Variants in LTBP1 observed in about 807,000 individuals in gnomAD.
LTBP1 encodes the protein latent-transforming growth factor beta-binding protein 1.
LTBP1 carries 129 observed loss-of-function variants against 207.6 expected under a neutral mutation model. The ratio of observed to expected loss-of-function variants is 0.62; its 90% CI spans 0.54 to 0.72. The LOEUF (loss-of-function observed/expected upper bound fraction) is 0.72. Among genes scored for constraint, LTBP1 ranks in the 30% least tolerant of loss-of-function variants. The probability of loss-of-function intolerance (pLI) is 0.00; values close to 1 mark genes in which losing one functional copy is unlikely to be tolerated. For missense variants in LTBP1, 2,281 were observed against 2,217.2 expected (o/e 1.03, Z -0.58); for synonymous variants, 963 against 833.7 (o/e 1.16, Z -2.67).
chr2:33,392,383 C>T lies in LTBP1; in HGVS notation c.4834+3077C>T, dbSNP rs543873591. The stretch of plus-strand genomic sequence containing the variant: ...TGCATTTTTAGTAGAGATGGAGTTT[C>T]ACCACGTTGGCCAGGGTGGTCTTGA... On this transcript the variant is annotated intron_variant, in intron 32 of 33. Transcript: ENST00000404816. Among the ~76,000 whole-genome samples the T allele has an allele frequency of 3.9e-4, 60 of 152,220 alleles. 1 individual carries two copies. Among genetic ancestry groups the T allele is most frequent in the African/African-American group, 1.3e-3 (53 of 41,542 alleles).
Position 32,975,583 on chromosome 2 carries a change from G to GTTTTTTTTTTTTTTTTT in LTBP1, c.565+26660_565+26676dup, listed in dbSNP as rs779168923. ...TTGTTGGAGGTTTCATTCATTCTTT[G>GTTTTTTTTTTTTTTTTT]TTTTTTTTTTTTTTTTTTTTTTTTT... is the stretch of plus-strand genomic sequence containing the variant. On this transcript the variant is annotated intron_variant, in intron 2 of 33. Coordinates refer to ENST00000404816, the MANE Select transcript of LTBP1 (RefSeq NM_206943.4). Among the ~76,000 whole-genome samples the GTTTTTTTTTTTTTTTTT allele has an allele frequency of 1.9e-3, 61 of 31,380 alleles. 19 individuals carry two copies. The highest frequency in any genetic ancestry group is 2.9e-3 in the African/African-American group (21 of 7,284). 20.6% of individuals were successfully genotyped at this position (31,380 alleles called of 152,430 possible).
intron 3 of LTBP1, among the ~76,000 whole-genome samples, chr2:33,050,827 G>A (rs1464435221): frequency 2.6e-5 from 4 of 151,564 alleles, no homozygotes; most frequent in South Asian, 2.1e-4. Flanking sequence ...TCCGCCTCCC[G>A]GGTTCAAGCG....
intron 3 of LTBP1, among the ~76,000 whole-genome samples, chr2:33,093,318 T>C (rs375914748): frequency 1.3e-5 from 2 of 152,172 alleles, no homozygotes; most frequent in East Asian, 1.9e-4. Context: ...CCCCTCCATA[T>C]TGTTTTCCCC....
chr2:33,267,184 C>G (rs1055986481), intron 15 of LTBP1, among the ~76,000 whole-genome samples: 3 of 152,248 alleles, frequency 2.0e-5, no homozygotes, highest in Admixed American at 1.3e-4. Flanking sequence ...GCTACAGCAG[C>G]TGGGATGCCT....
intron 3 of LTBP1, among the ~76,000 whole-genome samples, chr2:33,083,345 T>C (rs938610565): frequency 6.6e-6 from 1 of 151,976 alleles, no homozygotes; most frequent in South Asian, 2.1e-4. Context: ...AAAAATTAGA[T>C]CATTTCTCAA....
chr2:33,204,602 T>TCTCACTTAAAAA (rs2089679578), intron 7 of LTBP1, among the ~76,000 whole-genome samples: 1 of 151,678 alleles, frequency 6.6e-6, no homozygotes, highest in African/African-American at 2.4e-5. Context: ...TTTTAAGAGA[T>TCTCACTTAAAAA]AGGGTCTCAC....
intron 3 of LTBP1, among the ~76,000 whole-genome samples, chr2:33,042,409 A>C (rs1304424631): frequency 6.6e-6 from 1 of 152,176 alleles, no homozygotes; most frequent in African/African-American, 2.4e-5. Flanking sequence ...GCTTTTCCTC[A>C]GTGTGATTTT....
chr2:33,228,468 G>T (rs1002075844), intron 9 of LTBP1, among the ~76,000 whole-genome samples: 1 of 151,994 alleles, frequency 6.6e-6, no homozygotes. Flanking sequence ...GTAGAATGAG[G>T]CCAGAACTTA....
chr2:33,197,596 G>T (rs568311371), intron 7 of LTBP1, among the ~76,000 whole-genome samples: 2 of 152,166 alleles, frequency 1.3e-5, no homozygotes, highest in South Asian at 2.1e-4. Context: ...TTTTAAATTG[G>T]ATCTCTTTAA....
At chr2:33,296,208 CT>C (rs1193955329) in intron 20 of LTBP1, among the ~76,000 whole-genome samples, 1 of 152,060 alleles carries the variant, frequency 6.6e-6, no homozygotes, top group Non-Finnish European at 1.5e-5. Context: ...GCCATTTTAT[CT>C]TCTTTCATCC....
Position 33,301,594 on chromosome 2 carries a change from G to C in LTBP1, c.3431G>C (p.Cys1144Ser). 2 of 1,612,502 alleles carry C rather than the reference G, an allele frequency of 1.2e-6. No individual in the cohort carries two copies. The highest frequency in any genetic ancestry group is 1.3e-5 in the African/African-American group (1 of 74,976). ...AGGAACACTGAGGGCTCTTTTCAAT[G>C]TGTGTGTGACCAGGGTTACAGAGCA... ...QCRNTEGSFQ[C>S]VCDQGYRASG... The change falls in exon 22 of 34, where the codon TGT becomes TCT. Residue 1144 changes from cysteine (C) to serine (S), a missense_variant. Physicochemically the swap from Cys to Ser is moderately radical, Grantham distance 112. Coordinates refer to ENST00000404816, the MANE Select transcript of LTBP1 (RefSeq NM_206943.4).
chr2:33,342,061 G>A (rs1438551493), intron 24 of LTBP1, among the ~76,000 whole-genome samples: 1 of 152,148 alleles, frequency 6.6e-6, no homozygotes, highest in African/African-American at 2.4e-5. Flanking sequence ...GGAAAGAACG[G>A]AGAAGGAAAT....
At chr2:33,241,797 G>T (rs562236981) in intron 9 of LTBP1, among the ~76,000 whole-genome samples, 2 of 152,200 alleles carry the variant, frequency 1.3e-5, no homozygotes, top group Non-Finnish European at 1.5e-5. Flanking sequence ...CTTGTACCGT[G>T]TAAGCTCCAA....
intron 5 of LTBP1, among the ~76,000 whole-genome samples, chr2:33,148,565 A>G (rs1288441718): frequency 1.3e-5 from 2 of 152,016 alleles, no homozygotes; most frequent in Non-Finnish European, 2.9e-5. Context: ...CATTTCCTTC[A>G]CCTCACTCTG....
chr2:33,050,625 C>G (rs112157626), intron 3 of LTBP1, among the ~76,000 whole-genome samples: 26 of 152,236 alleles, frequency 1.7e-4, no homozygotes, highest in African/African-American at 6.3e-4. Flanking sequence ...TGAAGTATTA[C>G]TCTGCTACAG....
At chr2:33,211,620 C>T (rs2090322941) in intron 7 of LTBP1, among the ~76,000 whole-genome samples, 1 of 152,178 alleles carries the variant, frequency 6.6e-6, no homozygotes, top group Non-Finnish European at 1.5e-5. Context: ...GCTGGATCCT[C>T]CTTCCCCAGG....
intron 5 of LTBP1, among the ~76,000 whole-genome samples, chr2:33,153,154 G>C (rs1419963565): frequency 6.6e-6 from 1 of 152,126 alleles, no homozygotes; most frequent in Non-Finnish European, 1.5e-5. Context: ...GTTCCCCTTT[G>C]TACTTTTTTG....
At chr2:33,258,681 C>A (rs1177636110) in intron 12 of LTBP1, among the ~76,000 whole-genome samples, 1 of 152,164 alleles carries the variant, frequency 6.6e-6, no homozygotes, top group Non-Finnish European at 1.5e-5. Context: ...TGCCTCAAGA[C>A]CTTCTTCGTG....
At chr2:33,092,747 C>T (rs921500160) in intron 3 of LTBP1, among the ~76,000 whole-genome samples, 1 of 152,088 alleles carries the variant, frequency 6.6e-6, no homozygotes, top group African/African-American at 2.4e-5. Context: ...ACTTGAAATC[C>T]TCTCTCCCCA....
Sources: gnomAD v4.1 joint callset for allele counts (sites outside exome capture counted in the v4.1 genomes callset) on GRCh38, gnomAD v4.1.1 for gene constraint, MANE v1.5 for transcripts, NCBI Gene and HGNC (gene_info 2026-07-23, HGNC 2026-07-21) for gene names.